EXOC4: variants seen among roughly 807,000 people sequenced by gnomAD.
EXOC4 encodes the protein SEC8-like 1.
In EXOC4, 71 loss-of-function variants were observed where a neutral mutation model predicts 107.2. That is an observed-to-expected ratio of 0.66 (90% confidence interval 0.55 to 0.81). EXOC4 has a LOEUF of 0.81. Ranked by LOEUF, EXOC4 falls within the 30% of genes least tolerant of loss-of-function variation. EXOC4 has a pLI of 0.00. For synonymous variants in EXOC4, 456 were observed against 441.2 expected (o/e 1.03, Z -0.42); for missense variants, 1,108 against 1,189.6 (o/e 0.93, Z 1.01).
At chr7:133,740,930 G>C (rs866445668) in intron 10 of EXOC4, among the ~76,000 whole-genome samples, 2 of 152,100 alleles carry the variant, frequency 1.3e-5, no homozygotes, top group Admixed American at 6.6e-5. Flanking sequence ...TAGCTAGAGT[G>C]GTTTCTGTCT....
intron 7 of EXOC4, among the ~76,000 whole-genome samples, chr7:133,385,738 TG>T (rs35500117): frequency 0.48 from 73,393 of 152,062 alleles, 18,112 homozygotes; most frequent in East Asian, 0.59. Context: ...GAGTCAAATA[TG>T]GAAGTCGGCT....
intron 2 of EXOC4, among the ~76,000 whole-genome samples, chr7:133,279,949 A>T (rs551062292): frequency 3.2e-4 from 49 of 152,208 alleles, no homozygotes; most frequent in Admixed American, 9.8e-4. Flanking sequence ...AAGCTTTTTT[A>T]AAAAAATTAA....
chr7:133,305,167 G>A (rs1794723711), intron 3 of EXOC4, among the ~76,000 whole-genome samples: 1 of 151,548 alleles, frequency 6.6e-6, no homozygotes, highest in South Asian at 2.1e-4. Context: ...TTTATTGTAG[G>A]CATTCCTATA....
At chr7:133,492,104 T>C (rs1217964767) in intron 9 of EXOC4, among the ~76,000 whole-genome samples, 2 of 152,176 alleles carry the variant, frequency 1.3e-5, no homozygotes, top group Non-Finnish European at 2.9e-5. Context: ...TAATGAAATG[T>C]GCATTTTAGA....
intron 17 of EXOC4, among the ~76,000 whole-genome samples, chr7:134,034,569 C>T (rs1056294290): frequency 1.3e-5 from 2 of 152,184 alleles, no homozygotes; most frequent in Middle Eastern, 3.2e-3. Context: ...GCTCTTCCCC[C>T]TTCGATCAGC....
At chr7:133,665,362 T>G (rs1793788602) in intron 10 of EXOC4, among the ~76,000 whole-genome samples, 1 of 152,196 alleles carries the variant, frequency 6.6e-6, no homozygotes, top group South Asian at 2.1e-4. Flanking sequence ...TAAATTGCTG[T>G]AAACATTTAA....
Position 133,937,981 on chromosome 7 carries a change from C to T in EXOC4, c.2118C>T (p.Asp706=), listed in dbSNP as rs762756400. 7 of 1,614,146 alleles carry T rather than the reference C, an allele frequency of 4.3e-6. No individual in the cohort carries two copies. The highest frequency in any genetic ancestry group is 5.9e-6 in the Non-Finnish European group (7 of 1,180,038). ...PPQDILRDVS[D]LKALANMHES... ...AAGACATCCTTCGTGACGTCAGTGA[C>T]CTCAAAGCCTTGGCCAACATGCATG... The change falls in exon 14 of 18, where the codon GAC becomes GAT. Residue 706 remains aspartate (D), a synonymous_variant. Coordinates refer to ENST00000253861, the MANE Select transcript of EXOC4 (RefSeq NM_021807.4).
chr7:133,366,894 C>T (rs1796259554), intron 6 of EXOC4, among the ~76,000 whole-genome samples: 1 of 152,164 alleles, frequency 6.6e-6, no homozygotes, highest in Non-Finnish European at 1.5e-5. Context: ...TTTTAATAAT[C>T]CTGGCAAAAG....
rs1285986550 is a variant in EXOC4, at chr7:133,407,508, A to G, written c.1182+32506A>G. On this transcript the variant is annotated intron_variant, in intron 7 of 17. Transcript: ENST00000253861. ...AGTAATCAAGTCTACGATTGGGTAT[A>G]GAGGTTAAGGTCTCTATGGCCTAAA... 2.0e-5 allele frequency among the ~76,000 whole-genome samples: 3 copies of G among 152,308 alleles called. No homozygotes were observed. In the South Asian group the frequency reaches 6.2e-4, roughly 32 times the overall value.
intron 9 of EXOC4, among the ~76,000 whole-genome samples, chr7:133,486,023 T>C (rs1799264013): frequency 6.6e-6 from 1 of 152,212 alleles, no homozygotes; most frequent in Admixed American, 6.5e-5. Flanking sequence ...GAGTGCCATT[T>C]TTATTTCCAT....
At chr7:133,324,726 C>T (rs1213581057) in intron 5 of EXOC4, among the ~76,000 whole-genome samples, 2 of 152,202 alleles carry the variant, frequency 1.3e-5, no homozygotes, top group African/African-American at 4.8e-5. Flanking sequence ...TCTATTAGGT[C>T]TGCTTGGTGC....
At chr7:133,742,138 A>C (rs1289381090) in intron 10 of EXOC4, among the ~76,000 whole-genome samples, 1 of 152,076 alleles carries the variant, frequency 6.6e-6, no homozygotes, top group Admixed American at 6.6e-5. Context: ...CCTCTTTTTC[A>C]GTCTGATGAT....
intron 4 of EXOC4, among the ~76,000 whole-genome samples, chr7:133,313,227 G>A (rs1158546588): frequency 1.4e-5 from 2 of 144,896 alleles, no homozygotes; most frequent in Non-Finnish European, 3.0e-5. Flanking sequence ...CCCTTGGTCT[G>A]TCATTTGAAA....
rs114475841 is a variant in EXOC4 at position 133,869,221 on chromosome 7, T to G, written c.1735-26378T>G. ...CTGTCCTCTTCAAGAAGACTCAAAC[T>G]AGATCAACCAGATTGCATTTGCTCT... On this transcript the variant is annotated intron_variant, in intron 11 of 17. Transcript: ENST00000253861. Among the ~76,000 whole-genome samples, 366 of 152,050 alleles carry G rather than the reference T, an allele frequency of 2.4e-3. 5 individuals are homozygous for G. Among genetic ancestry groups the G allele is most frequent in the African/African-American group, 8.2e-3 (342 of 41,486 alleles).
intron 17 of EXOC4, among the ~76,000 whole-genome samples, chr7:134,037,236 A>G (rs1311562349): frequency 6.6e-6 from 1 of 152,184 alleles, no homozygotes; most frequent in African/African-American, 2.4e-5. Context: ...TCAATCAAAG[A>G]CTGCAAGCTG....
At chr7:134,050,259 C>T (rs764401803) in intron 17 of EXOC4, among the ~76,000 whole-genome samples, 8 of 152,116 alleles carry the variant, frequency 5.3e-5, no homozygotes, top group Non-Finnish European at 7.4e-5. Context: ...TATCTTTTTA[C>T]GTAACAAAAA....
intron 1 of EXOC4, among the ~76,000 whole-genome samples, chr7:133,262,777 G>A (rs1268831864): frequency 6.6e-6 from 1 of 152,100 alleles, no homozygotes; most frequent in Non-Finnish European, 1.5e-5. Context: ...AGAAACCCCA[G>A]GCTTGAAATG....
At chr7:133,989,807 G>A (rs1426909487) in intron 14 of EXOC4, among the ~76,000 whole-genome samples, 1 of 152,162 alleles carries the variant, frequency 6.6e-6, no homozygotes, top group African/African-American at 2.4e-5. Context: ...TGAAGTGTTT[G>A]TTGAGGACTA....
chr7:133,471,059 C>T (rs1798863282), intron 7 of EXOC4, among the ~76,000 whole-genome samples: 1 of 152,074 alleles, frequency 6.6e-6, no homozygotes, highest in African/African-American at 2.4e-5. Flanking sequence ...GAAGATTTAG[C>T]CCAATTCAAA....
Sources: allele counts gnomAD v4.1 joint callset (sites outside exome capture counted in the v4.1 genomes callset), GRCh38; gene constraint gnomAD v4.1.1; transcripts MANE v1.5; gene names NCBI Gene and HGNC (gene_info 2026-07-23, HGNC 2026-07-21).